The following STK32B variants were observed in gnomAD, a reference collection of about 807,000 sequenced individuals.
STK32B encodes the protein serine/threonine-protein kinase 32B.
In STK32B, 43 loss-of-function variants were observed where a neutral mutation model predicts 52.6. That is an observed-to-expected ratio of 0.82 (90% CI 0.64 to 1.05). STK32B has a LOEUF of 1.05. STK32B is among the 50% of genes least tolerant of loss of function. The pLI is 0.00. For synonymous variants in STK32B, 238 were observed against 204.3 expected (o/e 1.17, Z -1.41); for missense variants, 621 against 534.6 (o/e 1.16, Z -1.59).
At chr4:5,455,357 T>G (rs893996272) in intron 7 of STK32B, among the ~76,000 whole-genome samples, 1 of 152,220 alleles carries the variant, frequency 6.6e-6, no homozygotes, top group Admixed American at 6.5e-5. Context: ...GACAGTCCAA[T>G]GACCACAACC....
intron 3 of STK32B, among the ~76,000 whole-genome samples, chr4:5,286,259 C>T (rs866070679): frequency 2.0e-4 from 30 of 152,282 alleles, no homozygotes; most frequent in Middle Eastern, 3.4e-3. Flanking sequence ...ACAGATGAGC[C>T]ACAAAACTAG....
chr4:5,237,938 C>G (rs1034948713), intron 3 of STK32B, among the ~76,000 whole-genome samples: 3 of 152,136 alleles, frequency 2.0e-5, no homozygotes, highest in African/African-American at 7.2e-5. Context: ...AATACCTTGG[C>G]CGGGATCACA....
chr4:5,277,783 C>T (rs1300223810), intron 3 of STK32B, among the ~76,000 whole-genome samples: 2 of 152,068 alleles, frequency 1.3e-5, no homozygotes, highest in South Asian at 2.1e-4. Flanking sequence ...GTTACATTGA[C>T]AGATACAGAT....
chr4:5,096,788 C>T (rs1448776387), intron 1 of STK32B, among the ~76,000 whole-genome samples: 1 of 152,116 alleles, frequency 6.6e-6, no homozygotes, highest in Non-Finnish European at 1.5e-5. Context: ...TGGCTGACTG[C>T]CAACCGGCAA....
At chr4:5,429,561 A>ATT (rs1157775861) in intron 6 of STK32B, among the ~76,000 whole-genome samples, 2 of 88,220 alleles carry the variant, frequency 2.3e-5, no homozygotes, top group African/African-American at 1.0e-4. Flanking sequence ...TACTATAAAT[A>ATT]TATGTCATTG....
the STK32B span, among the ~76,000 whole-genome samples, chr4:5,043,412 A>C: frequency 6.6e-6 from 1 of 152,200 alleles, no homozygotes; most frequent in Non-Finnish European, 1.5e-5. Context: ...TATTATTCTG[A>C]ACTGTGCATA....
chr4:5,382,669 C>G (rs1736008835), intron 4 of STK32B, among the ~76,000 whole-genome samples: 1 of 152,172 alleles, frequency 6.6e-6, no homozygotes, highest in African/African-American at 2.4e-5. Flanking sequence ...AAGACTCTGT[C>G]TGGTATTTCT....
intron 3 of STK32B, among the ~76,000 whole-genome samples, chr4:5,291,488 T>G (rs1728889391): frequency 6.6e-6 from 1 of 152,124 alleles, no homozygotes; most frequent in South Asian, 2.1e-4. Flanking sequence ...TACAGCTGAT[T>G]TTTTGTATAT....
At chr4:5,160,149 C>A (rs1034197079) in intron 2 of STK32B, among the ~76,000 whole-genome samples, 4 of 152,160 alleles carry the variant, frequency 2.6e-5, no homozygotes, top group African/African-American at 9.7e-5. Flanking sequence ...CCAGTTGACA[C>A]AGAAAACTAA....
chr4:5,036,041 C>T, the STK32B span, among the ~76,000 whole-genome samples: 3 of 152,130 alleles, frequency 2.0e-5, no homozygotes, highest in East Asian at 1.9e-4. Context: ...CTCGGCCTCC[C>T]AAAGTGCTGG....
At chr4:5,324,766 G>A (rs1431324865) in intron 3 of STK32B, among the ~76,000 whole-genome samples, 1 of 152,184 alleles carries the variant, frequency 6.6e-6, no homozygotes, top group African/African-American at 2.4e-5. Flanking sequence ...GGACAGAGGT[G>A]GTACACCAGG....
intron 4 of STK32B, among the ~76,000 whole-genome samples, chr4:5,372,836 A>G (rs1250509927): frequency 1.3e-5 from 2 of 152,240 alleles, no homozygotes; most frequent in East Asian, 1.9e-4. Flanking sequence ...GCTATGGAGC[A>G]TGAAAGCCTA....
chr4:5,362,221 C>A (rs971896627), intron 4 of STK32B, among the ~76,000 whole-genome samples: 1 of 152,146 alleles, frequency 6.6e-6, no homozygotes, highest in African/African-American at 2.4e-5. Flanking sequence ...GTTGGAATCG[C>A]AGATATGAAG....
At chr4:5,360,375 A>G (rs1012018423) in intron 4 of STK32B, among the ~76,000 whole-genome samples, 8 of 152,140 alleles carry the variant, frequency 5.3e-5, no homozygotes, top group Admixed American at 6.5e-5. Flanking sequence ...ACAGATTACA[A>G]TAACAACGAA....
intron 5 of STK32B, among the ~76,000 whole-genome samples, chr4:5,408,019 G>A (rs1013210575): frequency 6.6e-6 from 1 of 152,122 alleles, no homozygotes. Flanking sequence ...GAACCAGGAA[G>A]CAGGCCCTCC....
intron 4 of STK32B, among the ~76,000 whole-genome samples, chr4:5,363,416 C>T (rs932666056): frequency 3.3e-5 from 5 of 152,258 alleles, no homozygotes; most frequent in Admixed American, 3.3e-4. Flanking sequence ...CAGATCCTGC[C>T]ACTGATGTGT....
chr4:5,459,425 C>T (rs1577541199), intron 8 of STK32B, among the ~76,000 whole-genome samples: 1 of 152,314 alleles, frequency 6.6e-6, no homozygotes, highest in East Asian at 1.9e-4. Context: ...CCCAGCAGCT[C>T]GCCCAAGGTC....
chr4:5,357,059 A>G (rs1457280543), intron 4 of STK32B, among the ~76,000 whole-genome samples: 2 of 147,510 alleles, frequency 1.4e-5, no homozygotes, highest in South Asian at 2.2e-4. Context: ...ACACACACAT[A>G]TATACACACA....
At chr4:5,046,729 A>G (rs1055941480), upstream of STK32B, among the ~76,000 whole-genome samples, 2 of 152,216 alleles carry the variant, frequency 1.3e-5, no homozygotes, top group Admixed American at 6.5e-5. Context: ...CATCAAACAC[A>G]TGAAAAAAAA....
Sources: gnomAD v4.1 joint callset for allele counts (sites outside exome capture counted in the v4.1 genomes callset) on GRCh38, gnomAD v4.1.1 for gene constraint, MANE v1.5 for transcripts, NCBI Gene and HGNC (gene_info 2026-07-23, HGNC 2026-07-21) for gene names.